SLC1A6: variants seen among roughly 807,000 people sequenced by gnomAD.
SLC1A6 encodes the protein solute carrier family 1 member 6, also known as excitatory amino acid transporter 4.
Under a neutral mutation model 42.1 loss-of-function variants are expected in SLC1A6, and 15 were observed. The ratio of observed to expected loss-of-function variants is 0.36; its 90% CI spans 0.24 to 0.55. The LOEUF is 0.55. SLC1A6 is among the 20% of genes least tolerant of loss of function. The probability of loss-of-function intolerance (pLI) is 0.88; values close to 1 mark genes in which losing one functional copy is unlikely to be tolerated. For synonymous variants in SLC1A6, 317 were observed against 319.7 expected (o/e 0.99, Z 0.09); for missense variants, 542 against 772.5 (o/e 0.70, Z 3.54).
At chr19:14,976,347 T>C (rs2045710767) in intron 1 of SLC1A6, among the ~76,000 whole-genome samples, 3 of 152,252 alleles carry the variant, frequency 2.0e-5, no homozygotes, top group Non-Finnish European at 2.9e-5. Flanking sequence ...TAAATAGATC[T>C]GTATCACATT....
chr19:14,999,425 A>G (rs76798890), intron 1 of SLC1A6, among the ~76,000 whole-genome samples: 8,893 of 152,212 alleles, frequency 0.058, 425 homozygotes, highest in South Asian at 0.27. Context: ...CCCAATGTAC[A>G]CTTAACATGT....
At chr19:14,971,210 G>A (rs1244945638) in intron 3 of SLC1A6, among the ~76,000 whole-genome samples, 8 of 152,122 alleles carry the variant, frequency 5.3e-5, no homozygotes, top group Non-Finnish European at 1.2e-4. Context: ...TTGTTCAAGG[G>A]TCAACCCTAG....
chr19:14,975,968 G>T (rs1322122064), intron 1 of SLC1A6, among the ~76,000 whole-genome samples: 1 of 151,964 alleles, frequency 6.6e-6, no homozygotes, highest in Non-Finnish European at 1.5e-5. Flanking sequence ...TGTGCTATAG[G>T]TACTATACCT....
intron 7 of SLC1A6, 102 bp from the exon 8 acceptor site, chr19:14,954,431 G>A: frequency 1.9e-6 from 2 of 1,047,002 alleles, no homozygotes; most frequent in Non-Finnish European, 2.9e-6. Context: ...ATGGGGCGTG[G>A]CCGAAGAAAG....
intron 8 of SLC1A6, 78 bp downstream of exon 8, chr19:14,954,057 T>TACCACCCCCAACCA: frequency 1.0e-6 from 1 of 997,542 alleles, no homozygotes. Context: ...GGCCCCCTCC[T>TACCACCCCCAACCA]CCCTCCCCAA....
chr19:14,966,771 T>C (rs984161308), intron 4 of SLC1A6, among the ~76,000 whole-genome samples: 9 of 151,884 alleles, frequency 5.9e-5, no homozygotes, highest in Admixed American at 5.3e-4. Context: ...CAAACTGACA[T>C]AGAAACAGAA....
rs1211079596 is a variant in SLC1A6 at position 14,975,824 on chromosome 19, AG to A, written c.-7-2908del. Among the ~76,000 whole-genome samples the A allele has an allele frequency of 1.6e-4, 22 of 134,224 alleles. 1 individual carries two copies. The East Asian group carries it at 4.6e-3, about 28-fold the overall frequency. The allele number at this position is 134,224 out of a possible 152,430, so 88.1% of individuals were successfully genotyped here. On this transcript the variant is annotated intron_variant, in intron 1 of 9. Transcript: ENST00000594383. ...AACGGAAGGGAAGGGAAGGGGACAA[AG>A]GGAAGGGAAGGGAAGGGGACAAAGG...
At chr19:14,989,775 T>C (rs2045810612) in intron 1 of SLC1A6, among the ~76,000 whole-genome samples, 1 of 150,716 alleles carries the variant, frequency 6.6e-6, no homozygotes, top group African/African-American at 2.4e-5. Context: ...GTGGATCACC[T>C]GAGGTTAGGA....
In SLC1A6 at chr19:14,967,639, G is replaced by A. The variant is rs144305563; in HGVS notation, c.548+664C>T. Among the ~76,000 whole-genome samples, 407 of 152,322 alleles carry A rather than the reference G, an allele frequency of 2.7e-3. 1 individual carries two copies. The highest frequency in any genetic ancestry group is 5.8e-3 in the Admixed American group (88 of 15,286). ...GGAGGATCTAAGACCATGCCACGCA[G>A]GGGTTAAGTCATGGACCCTACGCTC... On this transcript the variant is annotated intron_variant, in intron 4 of 9. Transcript: ENST00000594383.
chr19:14,981,809 A>G (rs990155994), upstream of SLC1A6, among the ~76,000 whole-genome samples: 1 of 152,246 alleles, frequency 6.6e-6, no homozygotes, highest in Non-Finnish European at 1.5e-5. Context: ...ACTAATTTCA[A>G]TAGAGAGGCA....
At chr19:14,992,034 C>T (rs1335687105) in intron 1 of SLC1A6, among the ~76,000 whole-genome samples, 1 of 152,134 alleles carries the variant, frequency 6.6e-6, no homozygotes, top group African/African-American at 2.4e-5. Flanking sequence ...CCATGTTGGG[C>T]AGGCTGGTCT....
intron 1 of SLC1A6, among the ~76,000 whole-genome samples, chr19:14,986,251 C>T (rs2045792077): frequency 6.6e-6 from 1 of 152,014 alleles, no homozygotes; most frequent in Admixed American, 6.6e-5. Flanking sequence ...GACACAGTGG[C>T]TCATGCCTGT....
upstream of SLC1A6, among the ~76,000 whole-genome samples, chr19:14,983,805 T>C (rs1338256004): frequency 2.0e-5 from 3 of 151,318 alleles, no homozygotes; most frequent in South Asian, 2.1e-4. Flanking sequence ...AGGTAAGCTA[T>C]GCTCAGACAT....
intron 9 of SLC1A6, 149 bp downstream of exon 9, chr19:14,952,779 T>C: frequency 2.3e-6 from 2 of 881,826 alleles, no homozygotes; most frequent in Non-Finnish European, 3.3e-6. Flanking sequence ...GGCCATGGAT[T>C]GGAGGCCTCT....
chr19:15,005,017 G>C (rs1290726043), intron 1 of SLC1A6, among the ~76,000 whole-genome samples: 1 of 152,170 alleles, frequency 6.6e-6, no homozygotes, highest in African/African-American at 2.4e-5. Flanking sequence ...CCAGAGCTTT[G>C]GTAGGCCAAG....
chr19:14,998,896 T>TTTATTTA (rs773825343), intron 1 of SLC1A6, among the ~76,000 whole-genome samples: 6,832 of 94,644 alleles, frequency 0.072, 190 homozygotes, highest in South Asian at 0.1. Context: ...TTATTTATTT[T>TTTATTTA]TAATGGAGTC....
At position 14,968,340 on chromosome 19, in the gene SLC1A6, T is replaced by G; in HGVS notation, c.511A>C (p.Thr171Pro). The change falls in exon 4 of 10, where the codon ACC becomes CCC. Residue 171 changes from threonine to proline, a missense_variant. Thr to Pro is a conservative substitution (Grantham distance 38, BLOSUM62 -1). Around this residue, in one of 6 missense-constraint regions of SLC1A6, gnomAD observed 298 missense variants for 419.4 expected, o/e 0.71. Transcript: ENST00000594383. ...EGLHREGRIE[T>P]IPTADAFMDL... ...ATGAAGGCATCAGCTGTGGGGATGG[T>G]CTCGATCCGGCCCTCCCGGTGCAGC... 1 of 1,613,746 alleles carries G rather than the reference T, an allele frequency of 6.2e-7. No individual in the cohort carries two copies. Among genetic ancestry groups the G allele is most frequent in the South Asian group, 1.1e-5 (1 of 90,908 alleles).
intron 3 of SLC1A6, among the ~76,000 whole-genome samples, chr19:14,970,236 ATTT>A (rs1006139989): frequency 6.6e-6 from 1 of 151,664 alleles, no homozygotes; most frequent in South Asian, 2.1e-4. Context: ...TATCCTGCTG[ATTT>A]TTTTTATTTT....
intron 1 of SLC1A6, among the ~76,000 whole-genome samples, chr19:14,996,351 G>C (rs1358922419): frequency 5.3e-5 from 8 of 152,142 alleles, no homozygotes; most frequent in Admixed American, 1.3e-4. Flanking sequence ...GTTTCATCTG[G>C]GGAAGACGGA....
Sources: gnomAD v4.1 joint callset for allele counts (sites outside exome capture counted in the v4.1 genomes callset) on GRCh38, gnomAD v4.1.1 for gene constraint, gnomAD v4.1.1 regional missense constraint, MANE v1.5 for transcripts, NCBI Gene and HGNC (gene_info 2026-07-23, HGNC 2026-07-21) for gene names.